STXBP6: variants seen among roughly 807,000 people sequenced by gnomAD.
STXBP6 encodes syntaxin-binding protein 6.
STXBP6 carries 21 observed loss-of-function variants against 26.9 expected under a neutral mutation model. The observed-to-expected ratio is 0.78, with a 90% CI of 0.55 to 1.12. STXBP6 has a LOEUF of 1.12. Among genes scored for constraint, STXBP6 ranks in the 50% most tolerant of loss-of-function variants. The pLI is 0.00. For missense variants in STXBP6, 232 were observed against 257.9 expected, an observed-to-expected ratio of 0.90 and a Z score of 0.69; for synonymous variants, 97 against 92.6, an observed-to-expected ratio of 1.05 and a Z score of -0.27.
chr14:24,819,470 C>A (rs2068078317), intron 4 of STXBP6: 2 of 580,858 alleles, frequency 3.4e-6, no homozygotes, highest in African/African-American at 3.7e-5. Context: ...TGCCAGTATT[C>A]TATCTGTGGA....
chr14:24,873,509 G>T (rs576489672), intron 2 of STXBP6, among the ~76,000 whole-genome samples: 27 of 152,264 alleles, frequency 1.8e-4, no homozygotes, highest in African/African-American at 6.3e-4. Flanking sequence ...ATTTCCAGAG[G>T]TAACAGAGTA....
At chr14:24,855,755 C>T (rs887309798) in intron 4 of STXBP6, among the ~76,000 whole-genome samples, 181 bp downstream of exon 4, 2 of 152,012 alleles carry the variant, frequency 1.3e-5, no homozygotes, top group African/African-American at 4.8e-5. Flanking sequence ...TGAAAACATA[C>T]CTTTGTGTCT....
At chr14:24,815,182 C>T (rs1342842955) in intron 5 of STXBP6, among the ~76,000 whole-genome samples, 1 of 152,146 alleles carries the variant, frequency 6.6e-6, no homozygotes, top group Non-Finnish European at 1.5e-5. Flanking sequence ...GTCACAGCTG[C>T]TCCACACCTC....
intron 1 of STXBP6, among the ~76,000 whole-genome samples, chr14:25,014,198 A>G (rs1348670374): frequency 6.6e-6 from 1 of 152,160 alleles, no homozygotes. Context: ...TTCTGTACCA[A>G]AAAGTTAAAA....
intron 2 of STXBP6, among the ~76,000 whole-genome samples, chr14:24,926,013 A>G (rs1042884676): frequency 6.6e-6 from 1 of 152,212 alleles, no homozygotes; most frequent in African/African-American, 2.4e-5. Flanking sequence ...TAAAACAAAG[A>G]CAGGGCAGTA....
At chr14:24,819,922 C>A (rs1260219516) in intron 4 of STXBP6, among the ~76,000 whole-genome samples, 1 of 152,130 alleles carries the variant, frequency 6.6e-6, no homozygotes. Flanking sequence ...GTGATAGAAA[C>A]CAGCCCTAGA....
intron 1 of STXBP6, among the ~76,000 whole-genome samples, chr14:25,028,776 A>G (rs1234069670): frequency 1.3e-5 from 2 of 152,178 alleles, no homozygotes; most frequent in Non-Finnish European, 2.9e-5. Flanking sequence ...TCACCATTCT[A>G]GATGCCTTTA....
At chr14:25,009,608 C>T (rs1485055527) in intron 1 of STXBP6, among the ~76,000 whole-genome samples, 1 of 152,192 alleles carries the variant, frequency 6.6e-6, no homozygotes, top group Non-Finnish European at 1.5e-5. Context: ...ACAACGTCAC[C>T]TACTCTTTGA....
At chr14:24,865,712 T>C (rs1173045947) in intron 2 of STXBP6, among the ~76,000 whole-genome samples, 1 of 152,166 alleles carries the variant, frequency 6.6e-6, no homozygotes, top group Non-Finnish European at 1.5e-5. Flanking sequence ...TCCTGCTTCA[T>C]TAGTGAGGAA....
At chr14:24,909,291 G>A (rs188415956) in intron 2 of STXBP6, among the ~76,000 whole-genome samples, 4 of 152,326 alleles carry the variant, frequency 2.6e-5, no homozygotes, top group Admixed American at 6.5e-5. Flanking sequence ...CCAGCAGCAC[G>A]TCATGCGTGG....
chr14:24,936,051 C>T (rs1313767883), intron 2 of STXBP6, among the ~76,000 whole-genome samples: 2 of 152,168 alleles, frequency 1.3e-5, no homozygotes, highest in African/African-American at 4.8e-5. Flanking sequence ...TTGGCTAGAA[C>T]CAGATGTCTT....
chr14:24,818,530 G>C (rs1205219311), intron 5 of STXBP6, among the ~76,000 whole-genome samples: 1 of 152,146 alleles, frequency 6.6e-6, no homozygotes. Flanking sequence ...CTCTCCGAGG[G>C]AAAACTAGCC....
At chr14:25,041,932 A>C (rs1387895335) in intron 1 of STXBP6, among the ~76,000 whole-genome samples, 1 of 152,250 alleles carries the variant, frequency 6.6e-6, no homozygotes, top group Admixed American at 6.5e-5. Context: ...TCAAACAAGA[A>C]GGTAGAACAG....
chr14:24,864,507 T>C (rs1465787338), intron 2 of STXBP6, among the ~76,000 whole-genome samples: 2 of 152,078 alleles, frequency 1.3e-5, no homozygotes, highest in Non-Finnish European at 2.9e-5. Context: ...TGCTCCTGGA[T>C]ACCACGCACC....
chr14:24,847,540 T>C (rs1339113493), intron 4 of STXBP6, among the ~76,000 whole-genome samples: 2 of 152,182 alleles, frequency 1.3e-5, no homozygotes, highest in Non-Finnish European at 2.9e-5. Flanking sequence ...TAAAAAACTT[T>C]CATATGTCTG....
chr14:24,995,456 A>G (rs2074578887), intron 1 of STXBP6, among the ~76,000 whole-genome samples: 1 of 152,122 alleles, frequency 6.6e-6, no homozygotes, highest in African/African-American at 2.4e-5. Flanking sequence ...GAATGGATGA[A>G]CCCATAAATG....
At position 24,819,073 on chromosome 14, in the gene STXBP6, C is replaced by T. The variant is rs1336614347; in HGVS notation, c.573G>A (p.Lys191=). 1 of 1,611,752 alleles carries T rather than the reference C, an allele frequency of 6.2e-7. No homozygotes were observed. Among genetic ancestry groups the T allele is most frequent in the Admixed American group, 1.7e-5 (1 of 59,908 alleles). Reference sequence around the variant, plus strand: ...TTTCTGCAAACTGCTGGGCGCTGTTCTTCAGGTCTTCTGTCTTCTCCTCTG... The same window carrying T: ...TTTCTGCAAACTGCTGGGCGCTGTTTTTCAGGTCTTCTGTCTTCTCCTCTG... ...GRAEEKTEDL[K]NSAQQFAETA... Residue 191 remains lysine, a synonymous_variant, in exon 5 of 6, where the codon AAG becomes AAA. Coordinates refer to ENST00000323944, the MANE Select transcript of STXBP6 (RefSeq NM_001394410.1).
At chr14:25,007,215 C>G (rs149023652) in intron 1 of STXBP6, among the ~76,000 whole-genome samples, 12 of 152,286 alleles carry the variant, frequency 7.9e-5, no homozygotes, top group African/African-American at 2.9e-4. Context: ...TGAACGAATA[C>G]AATTGTTGGA....
intron 1 of STXBP6, among the ~76,000 whole-genome samples, chr14:25,014,752 T>C (rs77129281): frequency 0.041 from 6,197 of 152,366 alleles, 218 homozygotes; most frequent in East Asian, 0.17. Context: ...CAAAACTGTA[T>C]TTATAGTATG....
Sources: allele counts gnomAD v4.1 joint callset (sites outside exome capture counted in the v4.1 genomes callset), GRCh38; gene constraint gnomAD v4.1.1; transcripts MANE v1.5; gene names NCBI Gene and HGNC (gene_info 2026-07-23, HGNC 2026-07-21).